Variants in CALN1 observed in about 807,000 individuals in gnomAD.
The protein encoded by CALN1 is calcium-binding protein 8.
In CALN1, 17 loss-of-function variants were observed where a neutral mutation model predicts 30.6. The ratio of observed to expected loss-of-function variants is 0.56; its 90% CI spans 0.38 to 0.83. CALN1 has a LOEUF of 0.83. Among genes scored for constraint, CALN1 ranks in the 40% least tolerant of loss-of-function variants. CALN1 has a pLI of 0.00. For synonymous variants in CALN1, 156 were observed against 131.4 expected, an observed-to-expected ratio of 1.19 and a Z score of -1.28; for missense variants, 291 against 354.9, an observed-to-expected ratio of 0.82 and a Z score of 1.45.
intron 5 of CALN1, among the ~76,000 whole-genome samples, chr7:71,831,980 A>G (rs1277743713): frequency 6.6e-6 from 1 of 151,890 alleles, no homozygotes; most frequent in East Asian, 1.9e-4. Context: ...AATATAAGAC[A>G]TACTGTTGAT....
At chr7:72,018,827 A>C (rs1371757777) in intron 5 of CALN1, among the ~76,000 whole-genome samples, 1 of 147,850 alleles carries the variant, frequency 6.8e-6, no homozygotes, top group Admixed American at 6.6e-5. Flanking sequence ...CACTGGAAAA[A>C]AATTATTTTA....
At chr7:72,310,357 A>C (rs1367646366) in intron 2 of CALN1, among the ~76,000 whole-genome samples, 4 of 149,810 alleles carry the variant, frequency 2.7e-5, no homozygotes, top group African/African-American at 9.9e-5. Flanking sequence ...ATATGTGGTC[A>C]GAAGATAATG....
intron 5 of CALN1, among the ~76,000 whole-genome samples, chr7:71,811,472 G>A (rs1778283014): frequency 6.6e-6 from 1 of 152,058 alleles, no homozygotes; most frequent in African/African-American, 2.4e-5. Context: ...TCCTGAAAGT[G>A]CTGGGATTAC....
intron 2 of CALN1, among the ~76,000 whole-genome samples, chr7:72,316,880 G>A (rs1201650741): frequency 1.3e-5 from 2 of 151,710 alleles, no homozygotes; most frequent in Admixed American, 6.6e-5. Flanking sequence ...AGGAGTTCAA[G>A]GCTACAGTCA....
At chr7:72,177,625 C>T (rs370014102) in intron 3 of CALN1, among the ~76,000 whole-genome samples, 5 of 151,588 alleles carry the variant, frequency 3.3e-5, no homozygotes, top group Admixed American at 6.6e-5. Flanking sequence ...ATTAGCTGGG[C>T]GTGGTGGTGC....
intron 5 of CALN1, among the ~76,000 whole-genome samples, chr7:71,957,802 C>T (rs1797035449): frequency 6.6e-6 from 1 of 152,096 alleles, no homozygotes; most frequent in African/African-American, 2.4e-5. Flanking sequence ...TGGTGGCTCA[C>T]ACTTCTAATC....
chr7:72,416,329 G>T (rs1240939036), upstream of CALN1, among the ~76,000 whole-genome samples: 1 of 152,176 alleles, frequency 6.6e-6, no homozygotes, highest in Non-Finnish European at 1.5e-5. Context: ...TCCACACACT[G>T]CCTATGGAGT....
intron 3 of CALN1, among the ~76,000 whole-genome samples, chr7:72,200,127 C>G (rs1396199470): frequency 6.6e-6 from 1 of 152,030 alleles, no homozygotes; most frequent in Non-Finnish European, 1.5e-5. Context: ...GATGCCCCGA[C>G]AAATCAACTC....
chr7:72,283,311 T>C (rs1373519691), intron 2 of CALN1, among the ~76,000 whole-genome samples: 1 of 152,050 alleles, frequency 6.6e-6, no homozygotes, highest in Non-Finnish European at 1.5e-5. Context: ...GATCACTTGA[T>C]GTCAGGATTT....
At chr7:71,834,064 A>G (rs766498662) in intron 5 of CALN1, among the ~76,000 whole-genome samples, 18 of 151,832 alleles carry the variant, frequency 1.2e-4, no homozygotes, top group Admixed American at 6.6e-4. Context: ...TCTACTAAAA[A>G]TACAAAAATT....
intron 2 of CALN1, among the ~76,000 whole-genome samples, chr7:72,376,905 G>A (rs1324907735): frequency 6.6e-6 from 1 of 152,116 alleles, no homozygotes; most frequent in Non-Finnish European, 1.5e-5. Flanking sequence ...TTTTGCATGT[G>A]GACATTCAGT....
At chr7:72,348,384 G>C (rs540806465) in intron 2 of CALN1, among the ~76,000 whole-genome samples, 1 of 152,232 alleles carries the variant, frequency 6.6e-6, no homozygotes, top group Admixed American at 6.5e-5. Context: ...AGAACACAGG[G>C]GTCTCACTAA....
chr7:71,870,244 A>G (rs951503118), intron 5 of CALN1, among the ~76,000 whole-genome samples: 5 of 152,138 alleles, frequency 3.3e-5, no homozygotes, highest in Non-Finnish European at 5.9e-5. Flanking sequence ...TTAGCTAGGC[A>G]TGGTGGCATG....
chr7:71,924,649 CTCTA>C (rs1795165775), intron 5 of CALN1, among the ~76,000 whole-genome samples: 2 of 151,020 alleles, frequency 1.3e-5, no homozygotes, highest in African/African-American at 4.9e-5. Flanking sequence ...TTTTTTTTTA[CTCTA>C]TCTGCCTTCA....
chr7:72,130,833 TTTTTA>T (rs1809091546), intron 3 of CALN1, among the ~76,000 whole-genome samples: 2 of 152,188 alleles, frequency 1.3e-5, no homozygotes, highest in African/African-American at 4.8e-5. Context: ...TTGTGGGTGA[TTTTTA>T]TTTTCCCAGT....
intron 5 of CALN1, among the ~76,000 whole-genome samples, chr7:71,839,359 C>T (rs1263062697): frequency 6.6e-6 from 1 of 151,998 alleles, no homozygotes; most frequent in African/African-American, 2.4e-5. Context: ...TGATGAAATC[C>T]CATCTCTACT....
At chr7:72,014,331 C>G (rs1422960399) in intron 5 of CALN1, among the ~76,000 whole-genome samples, 3 of 152,170 alleles carry the variant, frequency 2.0e-5, no homozygotes, top group Non-Finnish European at 4.4e-5. Flanking sequence ...AGGTGATCCG[C>G]CCACCTCAGC....
chr7:71,828,132 C>T (rs952573336), intron 5 of CALN1, among the ~76,000 whole-genome samples: 1 of 152,126 alleles, frequency 6.6e-6, no homozygotes, highest in Non-Finnish European at 1.5e-5. Context: ...AAAGGAGAAG[C>T]CCATTAGTAG....
intron 5 of CALN1, among the ~76,000 whole-genome samples, chr7:71,958,598 T>C (rs1463372914): frequency 6.6e-6 from 1 of 152,206 alleles, no homozygotes; most frequent in East Asian, 1.9e-4. Context: ...TCCACCCATC[T>C]TAGGAAAGTT....
Sources: allele counts gnomAD v4.1 joint callset (sites outside exome capture counted in the v4.1 genomes callset), GRCh38; gene constraint gnomAD v4.1.1; transcripts MANE v1.5; gene names NCBI Gene and HGNC (gene_info 2026-07-23, HGNC 2026-07-21).